The following ASCC3 variants were observed in gnomAD, a reference collection of about 807,000 sequenced individuals.
The protein encoded by ASCC3 is activating signal cointegrator 1 complex subunit 3, also known as ASC-1 complex subunit P200.
A neutral mutation model predicts 256.3 loss-of-function variants in ASCC3; 158 were observed. The observed-to-expected ratio is 0.62, with a 90% CI of 0.54 to 0.70. The LOEUF (loss-of-function observed/expected upper bound fraction) is 0.70, where lower values mean the gene tolerates loss of function less well. Among genes scored for constraint, ASCC3 ranks in the 30% least tolerant of loss-of-function variants. The pLI, the probability that ASCC3 is intolerant of heterozygous loss-of-function variation, is 0.00. For synonymous variants in ASCC3, 948 were observed against 883.4 expected (o/e 1.07, Z -1.30); for missense variants, 2,259 against 2,626.0 (o/e 0.86, Z 3.05).
intron 10 of ASCC3, among the ~76,000 whole-genome samples, chr6:100,727,415 G>C (rs897976620): frequency 6.6e-6 from 1 of 151,770 alleles, no homozygotes; most frequent in African/African-American, 2.4e-5. Context: ...AAAATCTCTC[G>C]TGTAATAAAG....
At chr6:100,765,571 T>C (rs1365150389) in intron 10 of ASCC3, among the ~76,000 whole-genome samples, 2 of 152,196 alleles carry the variant, frequency 1.3e-5, no homozygotes, top group African/African-American at 4.8e-5. Flanking sequence ...TGTCCTGCCT[T>C]TCCAGACCAA....
intron 1 of ASCC3, among the ~76,000 whole-genome samples, chr6:100,874,841 T>TC (rs1333878411): frequency 1.3e-5 from 2 of 151,684 alleles, no homozygotes; most frequent in African/African-American, 2.4e-5. Flanking sequence ...AGCTGAGACT[T>TC]AAAGGACCTA....
chr6:100,844,349 C>T (rs532304209), intron 4 of ASCC3, among the ~76,000 whole-genome samples: 1 of 151,448 alleles, frequency 6.6e-6, no homozygotes, highest in East Asian at 2.0e-4. Context: ...AAGCCTGGTT[C>T]GGGTCCATAC....
At chr6:100,616,992 C>CGTTGTTGTT (rs141000454) in intron 30 of ASCC3, among the ~76,000 whole-genome samples, 6 of 151,096 alleles carry the variant, frequency 4.0e-5, no homozygotes, top group African/African-American at 7.3e-5. Flanking sequence ...TTGTTGTTGT[C>CGTTGTTGTT]GTTGTTGTTG....
intron 10 of ASCC3, among the ~76,000 whole-genome samples, chr6:100,738,999 G>C (rs1780306500): frequency 6.6e-6 from 1 of 152,138 alleles, no homozygotes; most frequent in South Asian, 2.1e-4. Context: ...AGGTGAGAGA[G>C]GGCATCCTTG....
intron 15 of ASCC3, 136 bp from the exon 16 acceptor site, chr6:100,662,166 G>A (rs114831312): frequency 3.6e-6 from 4 of 1,110,026 alleles, no homozygotes; most frequent in South Asian, 1.5e-5. Flanking sequence ...ATCTGTGATA[G>A]AGTAAAATTT....
At chr6:100,829,837 A>G (rs528797747) in intron 4 of ASCC3, among the ~76,000 whole-genome samples, 101 of 152,282 alleles carry the variant, frequency 6.6e-4, no homozygotes, top group African/African-American at 2.3e-3. Context: ...AAAATAGAAT[A>G]ATTATAATAA....
chr6:100,565,588 G>A (rs1052366849), intron 36 of ASCC3, among the ~76,000 whole-genome samples: 1 of 152,160 alleles, frequency 6.6e-6, no homozygotes, highest in Non-Finnish European at 1.5e-5. Flanking sequence ...TGATGTGGCA[G>A]TGAAGGTTCA....
chr6:100,816,673 G>A (rs1397870361), intron 4 of ASCC3, among the ~76,000 whole-genome samples: 1 of 152,104 alleles, frequency 6.6e-6, no homozygotes, highest in Non-Finnish European at 1.5e-5. Flanking sequence ...AATATTGCAT[G>A]TTCTCACTTA....
chr6:100,589,512 G>A, intron 36 of ASCC3, 122 bp downstream of exon 36: 1 of 1,149,664 alleles, frequency 8.7e-7, no homozygotes, highest in East Asian at 2.5e-5. Context: ...GCTTTGTAGT[G>A]ACCTTGTTTG....
chr6:100,835,734 G>C (rs920981446), intron 4 of ASCC3, among the ~76,000 whole-genome samples: 14 of 151,922 alleles, frequency 9.2e-5, no homozygotes, highest in African/African-American at 3.4e-4. Flanking sequence ...GGCTATCCAG[G>C]GTCTTCTGTG....
At chr6:100,794,049 TTC>T (rs1171849225) in intron 8 of ASCC3, among the ~76,000 whole-genome samples, 2 of 151,988 alleles carry the variant, frequency 1.3e-5, no homozygotes, top group Admixed American at 1.3e-4. Context: ...GCAGCTAAAT[TTC>T]TCTCAGTTGT....
At chr6:100,626,434 T>G (rs1314122652) in intron 29 of ASCC3, among the ~76,000 whole-genome samples, 1 of 152,074 alleles carries the variant, frequency 6.6e-6, no homozygotes, top group Non-Finnish European at 1.5e-5. Context: ...ATCATATTTC[T>G]AAACTCAAAG....
chr6:100,715,596 T>C lies in ASCC3; in HGVS notation c.2080-63A>G, dbSNP rs980418391. On this transcript the variant is annotated intron_variant, in intron 12 of 41. Transcript: ENST00000369162. The stretch of plus-strand genomic sequence containing the variant: ...CAATTATAAACTTTCTAACTACAAA[T>C]AAAATTTTGCCAATTACAATGCATT... 11 of 1,466,486 alleles carry C rather than the reference T, an allele frequency of 7.5e-6. No homozygotes were observed. The African/African-American group carries it at 1.5e-4, about 21-fold the overall frequency. 90.8% of individuals were successfully genotyped at this position (1,466,486 alleles called of 1,614,324 possible). A position where few individuals can be genotyped will look rare whatever the true frequency, so the allele number is the denominator to read the frequency against.
At chr6:100,535,983 ATATT>A (rs1775141229) in intron 37 of ASCC3, among the ~76,000 whole-genome samples, 1 of 152,220 alleles carries the variant, frequency 6.6e-6, no homozygotes, top group Admixed American at 6.5e-5. Flanking sequence ...CTTGAGAACA[ATATT>A]TAATGCTATA....
chr6:100,557,654 T>G (rs906408576), intron 36 of ASCC3, among the ~76,000 whole-genome samples: 3 of 143,100 alleles, frequency 2.1e-5, no homozygotes, highest in Admixed American at 7.1e-5. Context: ...CCTAATTTTA[T>G]CTTCAAATAT....
intron 36 of ASCC3, among the ~76,000 whole-genome samples, 181 bp from the exon 37 acceptor site, chr6:100,540,568 G>A (rs1048324538): frequency 4.6e-5 from 7 of 151,956 alleles, no homozygotes; most frequent in South Asian, 2.1e-4. Flanking sequence ...AGTGAATAAC[G>A]TACAATCTGT....
In ASCC3 at chr6:100,655,786, T is replaced by C; in HGVS notation, c.2736A>G (p.Glu912=). 6.2e-7 allele frequency: 1 copy of C among 1,611,796 alleles called. No individual in the cohort carries two copies. Among genetic ancestry groups the C allele is most frequent in the Non-Finnish European group, 8.5e-7 (1 of 1,179,006 alleles). The part of the protein sequence containing the change: ...IALGTVTNVE[E]AVKWISYTYL... ...AAGTGTAACTTATCCACTTCACTGC[T>C]TCTTCCACATTAGTAACTGTTCCCA... is the stretch of plus-strand genomic sequence containing the variant. Residue 912 remains glutamate (E), a synonymous_variant, in exon 17 of 42, where the codon GAA becomes GAG. Transcript: ENST00000369162.
intron 37 of ASCC3, among the ~76,000 whole-genome samples, chr6:100,519,912 A>G (rs1488514767): frequency 3.3e-5 from 5 of 152,166 alleles, no homozygotes; most frequent in Non-Finnish European, 5.9e-5. Flanking sequence ...AAAGCCATAT[A>G]ATAAATAGAA....
Sources: allele counts gnomAD v4.1 joint callset (sites outside exome capture counted in the v4.1 genomes callset), GRCh38; gene constraint gnomAD v4.1.1; transcripts MANE v1.5; gene names NCBI Gene and HGNC (gene_info 2026-07-23, HGNC 2026-07-21).